Variants in DLL3 observed in about 807,000 individuals in gnomAD.
The protein encoded by DLL3 is delta-like protein 3.
In DLL3, 49 loss-of-function variants were observed where a neutral mutation model predicts 55.0. That is an observed-to-expected ratio of 0.89 (90% CI 0.71 to 1.13). The LOEUF (loss-of-function observed/expected upper bound fraction) is 1.13, where lower values mean the gene tolerates loss of function less well. Among genes scored for constraint, DLL3 ranks in the 50% most tolerant of loss-of-function variants. The pLI is 0.00. For missense variants in DLL3, 962 were observed against 875.5 expected (o/e 1.10, Z -1.25); for synonymous variants, 421 against 385.2 (o/e 1.09, Z -1.09).
Position 39,507,131 on chromosome 19 carries a change from G to T in DLL3, c.1186G>T (p.Ala396Ser), listed in dbSNP as rs1311753230. 6.6e-7 allele frequency: 1 copy of T among 1,523,654 alleles called. No homozygotes were observed. Among genetic ancestry groups the T allele is most frequent in the Non-Finnish European group, 8.7e-7 (1 of 1,143,086 alleles). The allele number at this position is 1,523,654 out of a possible 1,614,324, so 94.4% of individuals were successfully genotyped here. ...PRCEHDLDDC[A>S]GRACANGGTC... The stretch of plus-strand genomic sequence containing the variant: ...CTGCGAGCACGACCTGGACGACTGC[G>T]CGGGCCGCGCCTGCGCTAACGGCGG... The change falls in exon 7 of 9, where the codon GCG (alanine) becomes TCG (serine). Residue 396 changes from alanine to serine, a missense_variant. Physicochemically the swap from Ala to Ser is moderately conservative, Grantham distance 99 (BLOSUM62 1). Transcript: ENST00000356433.
rs757298214 is a variant in DLL3, at chr19:39,507,113, C to G, written c.1168C>G (p.His390Asp). 2 of 1,541,984 alleles carry G rather than the reference C, an allele frequency of 1.3e-6. No individual in the cohort carries two copies. The highest frequency in any genetic ancestry group is 1.7e-6 in the Non-Finnish European group (2 of 1,151,126). ...RAGFAGPRCEHDLDDCAGRAC... is the reference protein window; with the variant it reads ...RAGFAGPRCEDDLDDCAGRAC... ...CGGCTTCGCGGGTCCTCGCTGCGAG[C>G]ACGACCTGGACGACTGCGCGGGCCG... The change falls in exon 7 of 9, where the codon CAC (histidine) becomes GAC (aspartate). Residue 390 changes from histidine (H) to aspartate (D), a missense_variant. Transcript: ENST00000356433.
In DLL3 at chr19:39,499,312, C is replaced by CTGAAA; in HGVS notation, c.194_195insATGAA (p.Pro66Ter). The CTGAAA allele has an allele frequency of 6.5e-7, 1 of 1,545,346 alleles. No homozygotes were observed. Among genetic ancestry groups the CTGAAA allele is most frequent in the East Asian group, 2.4e-5 (1 of 41,256 alleles). On this transcript the variant is annotated frameshift_variant, in exon 2 of 9. Transcript: ENST00000356433. LOFTEE classifies it high-confidence loss of function. Reference sequence around the variant, plus strand: ...CTGCCGCCTCTTCTTCAGAGTCTGCCTGAAGCCTGGGCTCTCAGAGGAGGC... The same window carrying CTGAAA: ...CTGCCGCCTCTTCTTCAGAGTCTGCCTGAAATGAAGCCTGGGCTCTCAGAGGAGGC...
chr19:39,506,949 C>A (rs2079644157), intron 6 of DLL3, 90 bp from the exon 7 acceptor site: 1 of 1,368,802 alleles, frequency 7.3e-7, no homozygotes, highest in South Asian at 1.3e-5. Flanking sequence ...AAAAGGGGAC[C>A]CCGTGCAGCG....
Position 39,507,329 on chromosome 19 carries a change from G to A in DLL3, c.1384G>A (p.Ala462Thr), listed in dbSNP as rs182454962. Reference protein sequence around the residue: ...VCACAPGYMGARCEFPVHPDG... With the variant: ...VCACAPGYMGTRCEFPVHPDG... ...CGCTTGCGCTCCCGGCTACATGGGA[G>A]CGCGGTGTGAGTTCCCAGTGCACCC... The change falls in exon 7 of 9, where the codon GCG becomes ACG. Residue 462 changes from alanine (A) to threonine (T), a missense_variant. By Grantham distance (58) the Ala-to-Thr change is moderately conservative. Coordinates refer to ENST00000356433, the MANE Select transcript of DLL3 (RefSeq NM_203486.3). 9.1e-4 allele frequency: 1,428 copies of A among 1,567,684 alleles called. 15 individuals are homozygous for A. The African/African-American group carries it at 0.015, about 17-fold the overall frequency.
intron 2 of DLL3, 89 bp from the exon 3 acceptor site, chr19:39,500,526 C>G (rs2079604074): frequency 8.3e-7 from 1 of 1,198,506 alleles, no homozygotes; most frequent in Admixed American, 1.7e-5. Context: ...ATGGCCATCA[C>G]CCTCCATTCC....
chr19:39,505,449 A>G lies in DLL3; in HGVS notation c.1091A>G (p.Asn364Ser), dbSNP rs142597040. ...CGGTGCAGCCTGCAGCCATGCCGCA[A>G]TGGTGAGGCCTGGAGGCCTGAACGG... ...VDRCSLQPCR[N>S]GGLCLDLGHA... Residue 364 changes from asparagine to serine, a missense_variant and splice_region_variant, in exon 6 of 9, where the codon AAT becomes AGT. By Grantham distance (46) the Asn-to-Ser change is conservative. Transcript: ENST00000356433. 3.2e-4 allele frequency: 523 copies of G among 1,613,846 alleles called. No individual in the cohort carries two copies. Among genetic ancestry groups the G allele is most frequent in the Middle Eastern group, 2.5e-3 (15 of 6,082 alleles).
At chr19:39,504,020 C>A in intron 4 of DLL3, 51 bp from the exon 5 acceptor site, 1 of 1,576,436 alleles carries the variant, frequency 6.3e-7, no homozygotes. Flanking sequence ...TTGTCCCTGG[C>A]CCTCCCCGAC....
In DLL3 at chr19:39,504,254, A is replaced by C; in HGVS notation, c.836A>C (p.Asp279Ala). ...GCLVPGPGPC[D>A]GNPCANGGSC... The stretch of plus-strand genomic sequence containing the variant: ...CTTGTCCCTGGGCCTGGGCCCTGTG[A>C]CGGGAACCCGTGTGCCAATGGAGGC... Residue 279 changes from aspartate to alanine, a missense_variant, in exon 5 of 9, where the codon GAC becomes GCC. Transcript: ENST00000356433. 1 of 1,613,050 alleles carries C rather than the reference A, an allele frequency of 6.2e-7. No individual in the cohort carries two copies. The highest frequency in any genetic ancestry group is 8.5e-7 in the Non-Finnish European group (1 of 1,180,024).
At chr19:39,506,839 AGAG>A (rs1338258744) in intron 6 of DLL3, among the ~76,000 whole-genome samples, 197 bp from the exon 7 acceptor site, 2 of 152,166 alleles carry the variant, frequency 1.3e-5, no homozygotes, top group African/African-American at 4.8e-5. Flanking sequence ...CGAGAGCCAA[AGAG>A]GTGGAGCTGA....
chr19:39,502,929 G>A lies in DLL3; in HGVS notation c.524G>A (p.Arg175His), dbSNP rs1354064251. The change falls in exon 4 of 9, where the codon CGC becomes CAC. Residue 175 changes from arginine (R) to histidine (H), a missense_variant. Transcript: ENST00000356433. The stretch of plus-strand genomic sequence containing the variant: ...GCCTGGGAGCTGCGCTTCTCGTACC[G>A]CGCGCGCTGCGAGCCGCCTGCCGTC... ...AGAWELRFSYRARCEPPAVGT... is the reference protein window; with the variant it reads ...AGAWELRFSYHARCEPPAVGT... The A allele has an allele frequency of 4.2e-6, 6 of 1,438,566 alleles. No homozygotes were observed. Among genetic ancestry groups the A allele is most frequent in the South Asian group, 2.8e-5 (2 of 72,452 alleles). The allele number at this position is 1,438,566 out of a possible 1,614,324, so 89.1% of individuals were successfully genotyped here. A position where few individuals can be genotyped will look rare whatever the true frequency, so the allele number is the denominator to read the frequency against.
intron 2 of DLL3, 89 bp downstream of exon 2, chr19:39,499,562 C>A: frequency 6.6e-7 from 1 of 1,504,448 alleles, no homozygotes; most frequent in Non-Finnish European, 8.9e-7. Flanking sequence ...GCTTCCAAGA[C>A]CCTAATCCTG....
chr19:39,507,321 A>G lies in DLL3; in HGVS notation c.1376A>G (p.Tyr459Cys), dbSNP rs572290101. 4.5e-6 allele frequency: 7 copies of G among 1,565,198 alleles called. No homozygotes were observed. In the Admixed American group the frequency reaches 7.2e-5, roughly 16 times the overall value. Residue 459 changes from tyrosine (Y) to cysteine (C), a missense_variant, in exon 7 of 9, where the codon TAC (tyrosine) becomes TGC (cysteine). By Grantham distance (194) the Tyr-to-Cys change is radical (BLOSUM62 -2). Coordinates refer to ENST00000356433, the MANE Select transcript of DLL3 (RefSeq NM_203486.3). ...CTCGTCTGCGCTTGCGCTCCCGGCT[A>G]CATGGGAGCGCGGTGTGAGTTCCCA... Reference protein sequence around the residue: ...SGLVCACAPGYMGARCEFPVH... With the variant: ...SGLVCACAPGCMGARCEFPVH...
At chr19:39,508,112 C>T (rs1194439029) in intron 8 of DLL3, 140 bp from the exon 9 acceptor site, 4 of 1,611,830 alleles carry the variant, frequency 2.5e-6, no homozygotes, top group Non-Finnish European at 3.4e-6. Context: ...TACCTGCCAT[C>T]TTCTCTTTGA....
intron 3 of DLL3, 67 bp downstream of exon 3, chr19:39,500,739 T>C (rs2079605539): frequency 7.2e-7 from 1 of 1,396,938 alleles, no homozygotes; most frequent in East Asian, 2.3e-5. Context: ...GTTGGTGGTG[T>C]TATCTATAGG....
intron 8 of DLL3, 130 bp downstream of exon 8, chr19:39,508,044 C>T: frequency 6.2e-7 from 1 of 1,604,744 alleles, no homozygotes; most frequent in Non-Finnish European, 8.5e-7. Flanking sequence ...GGTTTTAAGC[C>T]CATTTTCAGT....
At chr19:39,508,001 G>C (rs746856386) in intron 8 of DLL3, 87 bp downstream of exon 8, 2 of 1,613,446 alleles carry the variant, frequency 1.2e-6, no homozygotes, top group Non-Finnish European at 1.7e-6. Flanking sequence ...CCTCGATTCT[G>C]TCCGTGAAAT....
chr19:39,502,407 T>C (rs1222156513), intron 3 of DLL3, among the ~76,000 whole-genome samples: 1 of 150,740 alleles, frequency 6.6e-6, no homozygotes, highest in Non-Finnish European at 1.5e-5. Flanking sequence ...GGATTACAGG[T>C]GCGTGCCACC....
chr19:39,499,174 C>T lies in DLL3; in HGVS notation c.70-18C>T. 2 of 1,589,168 alleles carry T rather than the reference C, an allele frequency of 1.3e-6. No homozygotes were observed. The highest frequency in any genetic ancestry group is 1.7e-6 in the Non-Finnish European group (2 of 1,172,300). ...GGGTCCTCCCGGCCGCCTCACCCTG[C>T]GCCCGTCTCCGTCCCAGACACGGCC... On this transcript the variant is annotated intron_variant, in intron 1 of 8. Transcript: ENST00000356433.
Position 39,502,890 on chromosome 19 carries a change from T to C in DLL3, c.485T>C (p.Ile162Thr). Residue 162 changes from isoleucine to threonine, a missense_variant, in exon 4 of 9, where the codon ATT becomes ACT. Transcript: ENST00000356433. ...LAAGGPWARDIQRAGAWELRF... is the reference protein window; with the variant it reads ...LAAGGPWARDTQRAGAWELRF... ...GCCGGAGGCCCGTGGGCCCGGGACATTCAGCGCGCAGGCGCCTGGGAGCTG... is the reference window on the plus strand; with the variant it reads ...GCCGGAGGCCCGTGGGCCCGGGACACTCAGCGCGCAGGCGCCTGGGAGCTG... 1 of 1,441,240 alleles carries C rather than the reference T, an allele frequency of 6.9e-7. No homozygotes were observed. The highest frequency in any genetic ancestry group is 9.1e-7 in the Non-Finnish European group (1 of 1,102,620). 89.3% of individuals were successfully genotyped at this position (1,441,240 alleles called of 1,614,324 possible).
Sources: allele counts gnomAD v4.1 joint callset (sites outside exome capture counted in the v4.1 genomes callset), GRCh38; gene constraint gnomAD v4.1.1; transcripts MANE v1.5; gene names NCBI Gene and HGNC (gene_info 2026-07-23, HGNC 2026-07-21).